PTPRG: variants seen among roughly 807,000 people sequenced by gnomAD.
The protein encoded by PTPRG is receptor-type tyrosine-protein phosphatase gamma.
In PTPRG, 102 loss-of-function variants were observed where a neutral mutation model predicts 165.3. The ratio of observed to expected loss-of-function variants is 0.62; its 90% CI spans 0.53 to 0.73. The LOEUF is 0.73. Ranked by LOEUF, PTPRG falls within the 30% of genes least tolerant of loss-of-function variation. The pLI is 0.00. For synonymous variants in PTPRG, 675 were observed against 669.5 expected (o/e 1.01, Z -0.13); for missense variants, 1,866 against 1,861.4 (o/e 1.00, Z -0.05).
intron 6 of PTPRG, among the ~76,000 whole-genome samples, chr3:62,153,879 C>T (rs1325245029): frequency 1.3e-5 from 2 of 152,194 alleles, no homozygotes; most frequent in African/African-American, 4.8e-5. Flanking sequence ...CTCACAAGTG[C>T]TGGGGGTGCT....
intron 1 of PTPRG, among the ~76,000 whole-genome samples, chr3:61,591,000 T>C (rs2106821545): frequency 6.6e-6 from 1 of 152,188 alleles, no homozygotes; most frequent in African/African-American, 2.4e-5. Flanking sequence ...ATCCCAGCTA[T>C]TTGAGAGGCT....
chr3:62,040,142 T>A (rs1387521963), intron 4 of PTPRG, among the ~76,000 whole-genome samples: 1 of 152,216 alleles, frequency 6.6e-6, no homozygotes, highest in Non-Finnish European at 1.5e-5. Flanking sequence ...CCTCTAAATT[T>A]TGAAAGACTC....
At chr3:61,728,333 A>C (rs78660408) in intron 1 of PTPRG, among the ~76,000 whole-genome samples, 6,390 of 152,284 alleles carry the variant, frequency 0.042, 183 homozygotes, top group Non-Finnish European at 0.058. Context: ...TGTGATCCCA[A>C]CACTTTGGAA....
intron 1 of PTPRG, among the ~76,000 whole-genome samples, chr3:61,747,714 A>C (rs1451484931): frequency 1.3e-5 from 2 of 152,192 alleles, no homozygotes; most frequent in Non-Finnish European, 2.9e-5. Flanking sequence ...ACTAATTTGG[A>C]ATACAGAATG....
chr3:61,770,393 T>G (rs1417555237), intron 2 of PTPRG: 1 of 152,240 alleles, frequency 6.6e-6, no homozygotes, highest in Non-Finnish European at 1.5e-5. Context: ...TTGCCCAGGT[T>G]AAGTCAAAAC....
At chr3:62,101,967 C>CT (rs952966412) in intron 5 of PTPRG, among the ~76,000 whole-genome samples, 16 of 152,240 alleles carry the variant, frequency 1.1e-4, no homozygotes, top group Non-Finnish European at 1.6e-4. Context: ...GTATCTCTTT[C>CT]TTTTTTTAAG....
chr3:61,772,790 T>G (rs1445632832), intron 2 of PTPRG, among the ~76,000 whole-genome samples: 1 of 152,232 alleles, frequency 6.6e-6, no homozygotes, highest in Non-Finnish European at 1.5e-5. Flanking sequence ...GCAGTATCTA[T>G]CCTCATGTGC....
At chr3:61,612,469 C>G (rs1701198054) in intron 1 of PTPRG, among the ~76,000 whole-genome samples, 1 of 152,192 alleles carries the variant, frequency 6.6e-6, no homozygotes, top group Admixed American at 6.5e-5. Flanking sequence ...CTCGGCAGTA[C>G]TGCATGTGGC....
intron 1 of PTPRG, among the ~76,000 whole-genome samples, chr3:61,747,056 A>C (rs189394802): frequency 1.3e-5 from 2 of 152,134 alleles, no homozygotes; most frequent in African/African-American, 4.8e-5. Flanking sequence ...CCCAGGGGTT[A>C]AGGTTGCAGT....
At chr3:62,010,238 G>A (rs944655441) in intron 4 of PTPRG, among the ~76,000 whole-genome samples, 1 of 152,124 alleles carries the variant, frequency 6.6e-6, no homozygotes, top group Admixed American at 6.6e-5. Context: ...TGTGATGGAT[G>A]AAATACTTTC....
intron 8 of PTPRG, among the ~76,000 whole-genome samples, chr3:62,186,731 A>G (rs1699650615): frequency 6.6e-6 from 1 of 151,548 alleles, no homozygotes; most frequent in Non-Finnish European, 1.5e-5. Context: ...ACACCTGGCT[A>G]ATTTTTGTGT....
intron 2 of PTPRG, among the ~76,000 whole-genome samples, chr3:61,912,326 C>A (rs538202676): frequency 2.0e-5 from 3 of 152,114 alleles, no homozygotes; most frequent in Non-Finnish European, 4.4e-5. Flanking sequence ...AACTAGCCCA[C>A]TGAGAAGGTA....
chr3:61,973,484 A>G (rs558946336), intron 2 of PTPRG, among the ~76,000 whole-genome samples: 2 of 152,284 alleles, frequency 1.3e-5, no homozygotes, highest in African/African-American at 2.4e-5. Flanking sequence ...TCAGTTTCCT[A>G]TTAATCGTAT....
chr3:62,086,682 C>CT (rs1050739294), intron 5 of PTPRG, among the ~76,000 whole-genome samples: 3 of 151,982 alleles, frequency 2.0e-5, no homozygotes, highest in African/African-American at 7.2e-5. Context: ...ATTAAGAAGA[C>CT]TTTTTTTTAA....
chr3:62,080,595 C>G (rs1354358615), intron 5 of PTPRG, among the ~76,000 whole-genome samples: 1 of 152,108 alleles, frequency 6.6e-6, no homozygotes, highest in Non-Finnish European at 1.5e-5. Flanking sequence ...CTCAGACCTC[C>G]AAGATTCTAC....
chr3:61,938,060 T>C (rs1280985273), intron 2 of PTPRG, among the ~76,000 whole-genome samples: 1 of 152,038 alleles, frequency 6.6e-6, no homozygotes, highest in Non-Finnish European at 1.5e-5. Context: ...TTTCCCACTG[T>C]TCTAAGACTG....
intron 12 of PTPRG, among the ~76,000 whole-genome samples, chr3:62,205,880 G>T (rs768266593): frequency 1.3e-5 from 2 of 152,202 alleles, no homozygotes; most frequent in Non-Finnish European, 2.9e-5. Context: ...GACCTCTCAG[G>T]CCTCTGCGTG....
At chr3:62,277,115 C>A in intron 25 of PTPRG, 67 bp downstream of exon 25, 3 of 1,165,734 alleles carry the variant, frequency 2.6e-6, no homozygotes, top group Admixed American at 3.9e-5. Context: ...GCAGATACCA[C>A]CTGTGTGACT....
intron 2 of PTPRG, among the ~76,000 whole-genome samples, chr3:61,812,784 A>T (rs2035626377): frequency 6.6e-6 from 1 of 152,216 alleles, no homozygotes. Flanking sequence ...TCTCTGATGC[A>T]GTTAAGAGTG....
Sources: gnomAD v4.1 joint callset for allele counts (sites outside exome capture counted in the v4.1 genomes callset) on GRCh38, gnomAD v4.1.1 for gene constraint, MANE v1.5 for transcripts, NCBI Gene and HGNC (gene_info 2026-07-23, HGNC 2026-07-21) for gene names.